Variants in DOCK1 observed in about 807,000 individuals in gnomAD.
DOCK1 encodes dedicator of cytokinesis protein 1.
DOCK1 carries 138 observed loss-of-function variants against 262.7 expected under a neutral mutation model. That is an observed-to-expected ratio of 0.53 (90% CI 0.46 to 0.61). The LOEUF (loss-of-function observed/expected upper bound fraction) is 0.61. Ranked by LOEUF, DOCK1 falls within the 20% of genes least tolerant of loss-of-function variation. The pLI, the probability that DOCK1 is intolerant of heterozygous loss-of-function variation, is 0.00. For synonymous variants in DOCK1, 866 were observed against 867.4 expected, an observed-to-expected ratio of 1.00 and a Z score of 0.03; for missense variants, 1,908 against 2,370.7, an observed-to-expected ratio of 0.80 and a Z score of 4.05.
chr10:127,354,698 T>C lies in DOCK1; in HGVS notation c.3254T>C (p.Phe1085Ser). 6.2e-7 allele frequency: 1 copy of C among 1,613,958 alleles called. No individual in the cohort carries two copies. The highest frequency in any genetic ancestry group is 8.5e-7 in the Non-Finnish European group (1 of 1,179,836). Residue 1085 changes from phenylalanine to serine, a missense_variant, in exon 32 of 52, where the codon TTT (phenylalanine) becomes TCT (serine). Coordinates refer to ENST00000623213, the MANE Select transcript of DOCK1 (RefSeq NM_001290223.2). ...GGAGATATGAGGAGACAGATTGGCT[T>C]TGAAATCAGAGACATGTGGTACAAC... ...KYGDMRRQIG[F>S]EIRDMWYNLG... is the part of the protein sequence containing the mutation.
intron 27 of DOCK1, among the ~76,000 whole-genome samples, chr10:127,129,907 T>C (rs2050206048): frequency 7.1e-6 from 1 of 139,892 alleles, no homozygotes; most frequent in South Asian, 2.1e-4. Context: ...CTGCCTGTGC[T>C]TAGGGAAACA....
At chr10:127,257,545 G>A (rs1416301684) in intron 29 of DOCK1, 116 bp downstream of exon 29, 2 of 909,898 alleles carry the variant, frequency 2.2e-6, no homozygotes, top group Non-Finnish European at 3.4e-6. Context: ...TGCAAACGCT[G>A]TTCCTAATTC....
rs544637282 is a variant in DOCK1, at chr10:127,224,220, GA to G, written c.2848-23787del. 9.2e-5 allele frequency among the ~76,000 whole-genome samples: 14 copies of G among 152,208 alleles called. No individual in the cohort carries two copies. The South Asian group carries it at 2.9e-3, about 32-fold the overall frequency. On this transcript the variant is annotated intron_variant, in intron 27 of 51. Transcript: ENST00000623213. The stretch of plus-strand genomic sequence containing the variant: ...AGATTCTGATTTAATTATATCCAGA[GA>G]TGGCTTTGGATCATGTTATTTAAGA...
chr10:127,445,267 G>A (rs1208615631), intron 50 of DOCK1, among the ~76,000 whole-genome samples: 1 of 152,164 alleles, frequency 6.6e-6, no homozygotes, highest in East Asian at 1.9e-4. Flanking sequence ...CTGTGGCACA[G>A]AGAGGGGTCC....
chr10:127,250,884 TTGTTAATC>T (rs959431279), intron 28 of DOCK1, among the ~76,000 whole-genome samples: 3 of 152,056 alleles, frequency 2.0e-5, no homozygotes, highest in African/African-American at 7.2e-5. Context: ...TTTTTTACTG[TTGTTAATC>T]TGACAGAACT....
chr10:127,246,232 T>A (rs1166979690), intron 27 of DOCK1, among the ~76,000 whole-genome samples: 7 of 152,192 alleles, frequency 4.6e-5, no homozygotes, highest in Non-Finnish European at 8.8e-5. Context: ...TGTCTTATAG[T>A]CCTAGAGTAC....
At chr10:126,943,482 T>A (rs1201357461) in intron 1 of DOCK1, among the ~76,000 whole-genome samples, 1 of 152,150 alleles carries the variant, frequency 6.6e-6, no homozygotes, top group Admixed American at 6.5e-5. Context: ...AGATTGAGGT[T>A]AAACGAGTAA....
At chr10:127,163,984 A>T (rs1040725195) in intron 27 of DOCK1, among the ~76,000 whole-genome samples, 1 of 151,820 alleles carries the variant, frequency 6.6e-6, no homozygotes, top group Non-Finnish European at 1.5e-5. Flanking sequence ...GGAAGTTTTA[A>T]TGCTTGTTTT....
chr10:127,077,698 T>C (rs2046652349), intron 23 of DOCK1, among the ~76,000 whole-genome samples: 1 of 152,150 alleles, frequency 6.6e-6, no homozygotes, highest in African/African-American at 2.4e-5. Context: ...AAACCAGGTA[T>C]TCGACCCCCC....
rs907701094 is a variant in DOCK1 at position 127,100,264 on chromosome 10, G to A, written c.2446-5967G>A. On this transcript the variant is annotated intron_variant, in intron 23 of 51. Coordinates refer to ENST00000623213, the MANE Select transcript of DOCK1 (RefSeq NM_001290223.2). This position sits in a 1 kb window ranked among gnomAD's most constrained non-coding sequence, Gnocchi z 5.5. The stretch of plus-strand genomic sequence containing the variant: ...GCAAAGCCAATGGGAGGCAGTAGCC[G>A]TGCGGCCCAGGTGCTGTTTGTTCCG... 2.0e-5 allele frequency among the ~76,000 whole-genome samples: 3 copies of A among 152,178 alleles called. No homozygotes were observed. The highest frequency in any genetic ancestry group is 1.9e-4 in the East Asian group (1 of 5,178).
chr10:127,262,179 T>G (rs1437125627), intron 29 of DOCK1, among the ~76,000 whole-genome samples: 3 of 145,944 alleles, frequency 2.1e-5, no homozygotes, highest in Non-Finnish European at 4.5e-5. Context: ...TGTGGGTGTG[T>G]GTGTGTGTGT....
chr10:127,228,884 C>G (rs1390538059), intron 27 of DOCK1, among the ~76,000 whole-genome samples: 1 of 152,168 alleles, frequency 6.6e-6, no homozygotes, highest in Non-Finnish European at 1.5e-5. Context: ...ATTGAGCTAA[C>G]TAACATGCAT....
In DOCK1 at chr10:127,437,035, T is replaced by C. The variant is rs2069733189; in HGVS notation, c.5061-1992T>C. Reference sequence around the variant, plus strand: ...TCTGCTGATAGCGTGCCCTATCGCATTGTTTAATTCGCGTCTCGATTCTCC... The same window carrying C: ...TCTGCTGATAGCGTGCCCTATCGCACTGTTTAATTCGCGTCTCGATTCTCC... On this transcript the variant is annotated intron_variant, in intron 48 of 51. Transcript: ENST00000623213. The surrounding 1 kb of genome is among the most constrained non-coding windows in gnomAD (Gnocchi z 4.4). Among the ~76,000 whole-genome samples, 1 of 152,220 alleles carries C rather than the reference T, an allele frequency of 6.6e-6. No individual in the cohort carries two copies. The highest frequency in any genetic ancestry group is 2.1e-4 in the South Asian group (1 of 4,834).
intron 43 of DOCK1, among the ~76,000 whole-genome samples, chr10:127,411,618 A>G (rs2067851717): frequency 6.6e-6 from 1 of 152,152 alleles, no homozygotes; most frequent in Admixed American, 6.5e-5. Context: ...AGGCAGGTAG[A>G]TCAAATTAGT....
At chr10:127,339,132 C>T (rs1242497450) in intron 30 of DOCK1, 48 bp downstream of exon 30, 5 of 1,473,474 alleles carry the variant, frequency 3.4e-6, no homozygotes, top group Non-Finnish European at 4.6e-6. Context: ...CATGTTAAAA[C>T]AAATTGCTGG....
chr10:127,255,300 C>T (rs1189906628), intron 28 of DOCK1, among the ~76,000 whole-genome samples: 1 of 152,118 alleles, frequency 6.6e-6, no homozygotes, highest in Non-Finnish European at 1.5e-5. Flanking sequence ...ACTCAGGATA[C>T]TGAAACGGGA....
intron 27 of DOCK1, among the ~76,000 whole-genome samples, chr10:127,232,603 G>A (rs976905489): frequency 3.3e-5 from 5 of 152,150 alleles, no homozygotes; most frequent in Non-Finnish European, 5.9e-5. Flanking sequence ...TGATTCTTTC[G>A]AACAAATGCC....
chr10:127,036,981 G>GAAAAAA (rs11429952), intron 18 of DOCK1, among the ~76,000 whole-genome samples: 9 of 128,018 alleles, frequency 7.0e-5, no homozygotes, highest in East Asian at 2.3e-4. Context: ...CCATCTCAAG[G>GAAAAAA]AAAAAAAAAA....
intron 29 of DOCK1, among the ~76,000 whole-genome samples, chr10:127,292,354 A>G (rs896103667): frequency 1.3e-5 from 2 of 152,062 alleles, no homozygotes; most frequent in African/African-American, 4.8e-5. Context: ...CAGCCCTGCT[A>G]CTGGTTGGGA....
Sources: allele counts gnomAD v4.1 joint callset (sites outside exome capture counted in the v4.1 genomes callset), GRCh38; gene constraint gnomAD v4.1.1; non-coding constraint Gnocchi (gnomAD v3.1); transcripts MANE v1.5; gene names NCBI Gene and HGNC (gene_info 2026-07-23, HGNC 2026-07-21).